PTPRA: variants seen among roughly 807,000 people sequenced by gnomAD.
PTPRA encodes the protein receptor-type tyrosine-protein phosphatase alpha.
PTPRA carries 25 observed loss-of-function variants against 104.8 expected under a neutral mutation model. The observed-to-expected ratio is 0.24, with a 90% CI of 0.17 to 0.33. The LOEUF is 0.33. PTPRA is among the 10% of genes least tolerant of loss of function. The probability of loss-of-function intolerance (pLI) is 1.00; values close to 1 mark genes in which losing one functional copy is unlikely to be tolerated. For missense variants in PTPRA, 765 were observed against 1,015.3 expected (o/e 0.75, Z 3.35); for synonymous variants, 323 against 368.9 (o/e 0.88, Z 1.43).
chr20:3,017,719 G>A, intron 12 of PTPRA, 97 bp from the exon 13 acceptor site: 1 of 986,418 alleles, frequency 1.0e-6, no homozygotes, highest in Non-Finnish European at 1.6e-6. Flanking sequence ...GGACATTTGG[G>A]CACAAGCTTC....
rs369619822 is a variant in PTPRA, at chr20:3,010,351, G to A, written c.906+2931G>A. Reference sequence around the variant, plus strand: ...TTCCTCATAAACACAGCATCCAGCCGGGTGCGGTGGCTCACGCCTGTAATC... The same window carrying A: ...TTCCTCATAAACACAGCATCCAGCCAGGTGCGGTGGCTCACGCCTGTAATC... On this transcript the variant is annotated intron_variant, in intron 11 of 23. Coordinates refer to ENST00000399903, the MANE Select transcript of PTPRA (RefSeq NM_001385305.1). 1.4e-4 allele frequency among the ~76,000 whole-genome samples: 21 copies of A among 151,798 alleles called. 1 individual carries two copies. The East Asian group carries it at 1.8e-3, about 13-fold the overall frequency.
At chr20:2,944,856 G>T (rs2061065982) in intron 2 of PTPRA, among the ~76,000 whole-genome samples, 1 of 152,112 alleles carries the variant, frequency 6.6e-6, no homozygotes, top group East Asian at 1.9e-4. Flanking sequence ...TGTTTGGGGG[G>T]TGTTTAGGGC....
chr20:2,864,978 C>G, the PTPRA span: 2 of 1,614,114 alleles, frequency 1.2e-6, no homozygotes, highest in Admixed American at 3.3e-5. The surrounding 1 kb of genome is among the most constrained non-coding windows in gnomAD (Gnocchi z 5.2). Flanking sequence ...GTCTTTATAG[C>G]GTATTGAGGG....
Position 2,923,188 on chromosome 20 carries a change from AT to A in PTPRA, c.-128-14del. ...AGGGATGTTGTATATTTCTAAAGGTATTTTTCCTTTTGTTGCAGGTGACACA... is the reference window on the plus strand; with the variant it reads ...AGGGATGTTGTATATTTCTAAAGGTATTTTCCTTTTGTTGCAGGTGACACA... On this transcript the variant is annotated intron_variant, in intron 1 of 23. Transcript: ENST00000399903. 9.3e-7 allele frequency: 1 copy of A among 1,071,484 alleles called. No individual in the cohort carries two copies. The highest frequency in any genetic ancestry group is 6.2e-5 in the East Asian group (1 of 16,242). The allele number at this position is 1,071,484 out of a possible 1,614,324, so 66.4% of individuals were successfully genotyped here.
At chr20:2,888,033 G>C (rs140255868) in intron 1 of PTPRA, among the ~76,000 whole-genome samples, 6 of 152,316 alleles carry the variant, frequency 3.9e-5, no homozygotes, top group Admixed American at 6.5e-5. Flanking sequence ...CCAGTTTGGG[G>C]TGTTAGCTAG....
chr20:2,866,584 C>T, the PTPRA span: 3 of 1,613,570 alleles, frequency 1.9e-6, no homozygotes, highest in East Asian at 4.5e-5. Flanking sequence ...AGGAGTCCAT[C>T]CTGTACATCT....
intron 5 of PTPRA, among the ~76,000 whole-genome samples, chr20:2,969,100 T>C (rs180806617): frequency 4.1e-4 from 62 of 151,848 alleles, no homozygotes; most frequent in African/African-American, 1.5e-3. Flanking sequence ...TAATCCCAGC[T>C]ACTTGGGAGG....
the PTPRA span, chr20:2,866,204 C>G: frequency 4.3e-6 from 7 of 1,613,954 alleles, 1 homozygote; most frequent in South Asian, 7.7e-5. Flanking sequence ...CGCTTCCTCT[C>G]CTCCAAGCCT....
chr20:2,934,704 G>A (rs1034649467), intron 2 of PTPRA, among the ~76,000 whole-genome samples: 1 of 123,032 alleles, frequency 8.1e-6, no homozygotes, highest in Non-Finnish European at 1.6e-5. Context: ...ATGGAGTCTC[G>A]CTCTGTCACC....
chr20:2,945,355 C>T (rs1209127490), intron 2 of PTPRA, among the ~76,000 whole-genome samples: 2 of 152,082 alleles, frequency 1.3e-5, no homozygotes, highest in Non-Finnish European at 2.9e-5. Context: ...AGAGGATTTA[C>T]GTTTGTTTCT....
chr20:2,910,020 TCTATC>T (rs1333614763), intron 1 of PTPRA, among the ~76,000 whole-genome samples: 51 of 81,174 alleles, frequency 6.3e-4, no homozygotes, highest in African/African-American at 2.7e-3. Flanking sequence ...TCATATATAA[TCTATC>T]ATATATCATA....
At chr20:2,967,593 G>A (rs2147957453) in intron 5 of PTPRA, among the ~76,000 whole-genome samples, 1 of 152,156 alleles carries the variant, frequency 6.6e-6, no homozygotes, top group South Asian at 2.1e-4. Context: ...AGGCACACTG[G>A]CTAACACCTG....
At chr20:2,926,207 T>C (rs1272239206) in intron 2 of PTPRA, among the ~76,000 whole-genome samples, 1 of 152,242 alleles carries the variant, frequency 6.6e-6, no homozygotes, top group Admixed American at 6.5e-5. Context: ...CCTGTTCTGC[T>C]GCTGTTTATT....
intron 6 of PTPRA, among the ~76,000 whole-genome samples, chr20:2,975,956 G>A (rs892845273): frequency 6.6e-6 from 1 of 152,132 alleles, no homozygotes; most frequent in African/African-American, 2.4e-5. Context: ...AATCAGACTT[G>A]AGTTTTTTTT....
Position 2,958,024 on chromosome 20 carries a change from G to A in PTPRA, c.-6-6248G>A, listed in dbSNP as rs148878556. Among the ~76,000 whole-genome samples the A allele has an allele frequency of 1.7e-3, 255 of 152,042 alleles. 1 individual carries two copies. The highest frequency in any genetic ancestry group is 5.9e-3 in the African/African-American group (245 of 41,448). ...GTTTGGGATTTTTCTTTCCATGTTG[G>A]TGTAAAAGAAGAACAGTGTAGTGAA... On this transcript the variant is annotated intron_variant, in intron 3 of 23. Coordinates refer to ENST00000399903, the MANE Select transcript of PTPRA (RefSeq NM_001385305.1).
chr20:2,932,553 T>C (rs1449703784), intron 2 of PTPRA, among the ~76,000 whole-genome samples: 5 of 152,104 alleles, frequency 3.3e-5, no homozygotes, highest in South Asian at 2.1e-4. Flanking sequence ...GCAGTAGCCT[T>C]AAAAAGGATG....
At chr20:2,872,336 G>C (rs1429023474), upstream of PTPRA, among the ~76,000 whole-genome samples, 2 of 152,194 alleles carry the variant, frequency 1.3e-5, no homozygotes, top group African/African-American at 2.4e-5. This position sits in a 1 kb window ranked among gnomAD's most constrained non-coding sequence, Gnocchi z 7.9. Flanking sequence ...ACTCCTTCCG[G>C]CCTGGGGTGC....
At chr20:2,900,857 C>CAAA (rs552826526) in intron 1 of PTPRA, among the ~76,000 whole-genome samples, 4 of 123,832 alleles carry the variant, frequency 3.2e-5, no homozygotes, top group African/African-American at 6.1e-5. Flanking sequence ...AACTCCATCT[C>CAAA]AAAAAAAAAA....
At chr20:2,932,920 T>C (rs540193115) in intron 2 of PTPRA, among the ~76,000 whole-genome samples, 3 of 152,304 alleles carry the variant, frequency 2.0e-5, no homozygotes, top group East Asian at 1.9e-4. Flanking sequence ...AAAAACAATA[T>C]TGGATGCCTA....
Sources: allele counts gnomAD v4.1 joint callset (sites outside exome capture counted in the v4.1 genomes callset), GRCh38; gene constraint gnomAD v4.1.1; non-coding constraint Gnocchi (gnomAD v3.1); transcripts MANE v1.5; gene names NCBI Gene and HGNC (gene_info 2026-07-23, HGNC 2026-07-21).